The following AATK variants were observed in gnomAD, a reference collection of about 807,000 sequenced individuals.
The protein encoded by AATK is lemur tail kinase 1.
AATK carries 91 observed loss-of-function variants against 114.3 expected under a neutral mutation model. The ratio of observed to expected loss-of-function variants is 0.80; its 90% CI spans 0.67 to 0.95. The LOEUF (loss-of-function observed/expected upper bound fraction) is 0.95. Among genes scored for constraint, AATK ranks in the 40% least tolerant of loss-of-function variants. AATK has a pLI of 0.00. For missense variants in AATK, 2,176 were observed against 1,965.2 expected, an observed-to-expected ratio of 1.11 and a Z score of -2.03; for synonymous variants, 1,075 against 916.5, an observed-to-expected ratio of 1.17 and a Z score of -3.12.
At chr17:81,119,663 C>T (rs890706979) in intron 12 of AATK, 83 bp from the exon 13 acceptor site, 1 of 622,458 alleles carries the variant, frequency 1.6e-6, no homozygotes, top group East Asian at 7.1e-5. Context: ...GGGCCCAGGC[C>T]CCGCCTCCCA....
intron 1 of AATK, among the ~76,000 whole-genome samples, chr17:81,137,489 C>T (rs1175488935): frequency 1.3e-5 from 2 of 152,030 alleles, no homozygotes; most frequent in African/African-American, 4.8e-5. Context: ...CCGAGTGCAC[C>T]CACCGCCGCC....
Position 81,126,813 on chromosome 17 carries a change from T to C in AATK, c.622-253A>G. ...GCCAGCCCCGGGCAGCAGGAGTCCC[T>C]TGGCCTGTGGTAGAGAGAGAAACAC... On this transcript the variant is annotated intron_variant, in intron 6 of 13. Coordinates refer to ENST00000326724, the MANE Select transcript of AATK (RefSeq NM_001080395.3). The surrounding 1 kb of genome is among the most constrained non-coding windows in gnomAD (Gnocchi z 5.1). 7.4e-7 allele frequency: 1 copy of C among 1,346,636 alleles called. No individual in the cohort carries two copies. The highest frequency in any genetic ancestry group is 9.5e-7 in the Non-Finnish European group (1 of 1,047,866). The allele number at this position is 1,346,636 out of a possible 1,614,324, so 83.4% of individuals were successfully genotyped here. A position where few individuals can be genotyped will look rare whatever the true frequency, so the allele number is the denominator to read the frequency against.
intron 1 of AATK, among the ~76,000 whole-genome samples, chr17:81,149,414 TC>T (rs952301656): frequency 4.6e-5 from 7 of 151,244 alleles, no homozygotes; most frequent in Admixed American, 3.9e-4. Flanking sequence ...CCTAACCCCT[TC>T]CCCCACCCTC....
intron 6 of AATK, 131 bp downstream of exon 6, chr17:81,127,452 G>T: frequency 8.0e-6 from 7 of 879,744 alleles, no homozygotes; most frequent in Non-Finnish European, 1.3e-5. Flanking sequence ...GGTGGTGGGG[G>T]CAGGGTCCCT....
chr17:81,161,735 C>T (rs1188350084), intron 1 of AATK, among the ~76,000 whole-genome samples: 2 of 152,174 alleles, frequency 1.3e-5, no homozygotes, highest in East Asian at 1.9e-4. Context: ...CAGCAGGGCC[C>T]GGCCCAGGAC....
intron 1 of AATK, among the ~76,000 whole-genome samples, chr17:81,142,416 C>T (rs2061152538): frequency 6.6e-6 from 1 of 152,030 alleles, no homozygotes; most frequent in South Asian, 2.1e-4. Context: ...GAGACCACAG[C>T]CTTGCACCAC....
chr17:81,145,866 T>TA (rs2061211364), intron 1 of AATK, among the ~76,000 whole-genome samples: 1 of 149,628 alleles, frequency 6.7e-6, no homozygotes, highest in African/African-American at 2.5e-5. Flanking sequence ...ACACAATCAG[T>TA]AAAAAATAAC....
intron 1 of AATK, among the ~76,000 whole-genome samples, chr17:81,145,479 T>C (rs1191523652): frequency 1.3e-5 from 2 of 152,094 alleles, no homozygotes; most frequent in Non-Finnish European, 2.9e-5. Flanking sequence ...ACGCCTGTAA[T>C]CCCAGCACTT....
At chr17:81,128,899 C>T in intron 3 of AATK, 2 of 1,150,380 alleles carry the variant, frequency 1.7e-6, no homozygotes, top group Non-Finnish European at 2.2e-6. Context: ...GAGCAAGAGG[C>T]TGGGGCCACG....
rs1272622994 is a variant in AATK, at chr17:81,120,781, G to C, written c.3155C>G (p.Pro1052Arg). Residue 1052 changes from proline to arginine, a missense_variant, in exon 11 of 14, where the codon CCC becomes CGC. Transcript: ENST00000326724. ...CAGCAGTGGGGGCAGCACCTCCCCG[G>C]GGCCAGAGCCTTGTGCCTCCCCGGA... ...GVSGEAQGSG[P>R]GEVLPPLLQL... 1 of 1,567,966 alleles carries C rather than the reference G, an allele frequency of 6.4e-7. No individual in the cohort carries two copies. Among genetic ancestry groups the C allele is most frequent in the Admixed American group, 1.9e-5 (1 of 53,402 alleles).
chr17:81,160,819 G>A (rs1229352522), intron 1 of AATK, among the ~76,000 whole-genome samples: 3 of 152,242 alleles, frequency 2.0e-5, no homozygotes, highest in South Asian at 2.1e-4. Flanking sequence ...GTGAGCTGGA[G>A]ACAGGAGGCC....
chr17:81,136,821 C>T (rs564236953), intron 1 of AATK, among the ~76,000 whole-genome samples: 4 of 152,274 alleles, frequency 2.6e-5, no homozygotes, highest in African/African-American at 4.8e-5. Context: ...CAAGGAGAGA[C>T]GGCACACCTA....
intron 1 of AATK, among the ~76,000 whole-genome samples, chr17:81,163,426 T>C (rs885263): frequency 0.64 from 96,801 of 152,098 alleles, 32,079 homozygotes; most frequent in Admixed American, 0.73. Context: ...ATCACCCTGC[T>C]TTTCCTGGCC....
Position 81,166,091 on chromosome 17 carries a change from G to C in AATK, c.-99C>G. The C allele has an allele frequency of 1.3e-6, 1 of 776,874 alleles. No individual in the cohort carries two copies. Among genetic ancestry groups the C allele is most frequent in the Non-Finnish European group, 1.6e-6 (1 of 627,928 alleles). The allele number at this position is 776,874 out of a possible 1,614,324, so 48.1% of individuals were successfully genotyped here. On this transcript the variant is annotated 5_prime_UTR_variant, in exon 1 of 14. Coordinates refer to ENST00000326724, the MANE Select transcript of AATK (RefSeq NM_001080395.3). ...CCGCATCACCCAGCGGCCGCCGCAGGTGCGGAGCGCGCCGGCCCCCGCGCC... is the reference window on the plus strand; with the variant it reads ...CCGCATCACCCAGCGGCCGCCGCAGCTGCGGAGCGCGCCGGCCCCCGCGCC...
chr17:81,134,270 T>G, intron 2 of AATK, 98 bp downstream of exon 2: 1 of 1,510,228 alleles, frequency 6.6e-7, no homozygotes, highest in Non-Finnish European at 8.9e-7. Context: ...AGCAGCCACC[T>G]TGATGGCCCC....
chr17:81,122,418 G>A lies in AATK; in HGVS notation c.1518C>T (p.Cys506=), dbSNP rs191163566. ...PGRTARLQEL[C]APDGAPPGVV... ...CGCCCGGGGGCGCGCCGTCGGGGGCGCACAGCTCCTGCAGGCGTGCGGTGC... is the reference window on the plus strand; with the variant it reads ...CGCCCGGGGGCGCGCCGTCGGGGGCACACAGCTCCTGCAGGCGTGCGGTGC... Residue 506 remains cysteine (C), a synonymous_variant, in exon 11 of 14, where the codon TGC becomes TGT. Coordinates refer to ENST00000326724, the MANE Select transcript of AATK (RefSeq NM_001080395.3). The A allele has an allele frequency of 2.7e-6, 4 of 1,461,000 alleles. No homozygotes were observed. The highest frequency in any genetic ancestry group is 3.6e-6 in the Non-Finnish European group (4 of 1,109,560). 90.5% of individuals were successfully genotyped at this position (1,461,000 alleles called of 1,614,324 possible). A position where few individuals can be genotyped will look rare whatever the true frequency, so the allele number is the denominator to read the frequency against.
rs1048120589 is a variant in AATK, at chr17:81,122,514, G to T, written c.1422C>A (p.Gly474=). 1 of 1,478,768 alleles carries T rather than the reference G, an allele frequency of 6.8e-7. No individual in the cohort carries two copies. The highest frequency in any genetic ancestry group is 9.0e-7 in the Non-Finnish European group (1 of 1,110,612). 91.6% of individuals were successfully genotyped at this position (1,478,768 alleles called of 1,614,324 possible). A position where few individuals can be genotyped will look rare whatever the true frequency, so the allele number is the denominator to read the frequency against. Residue 474 remains glycine (G), a synonymous_variant, in exon 11 of 14, where the codon GGC becomes GGA. Coordinates refer to ENST00000326724, the MANE Select transcript of AATK (RefSeq NM_001080395.3). The part of the protein sequence containing the change: ...DVLTVTETSR[G]LNFEYKWEAG... Reference sequence around the variant, plus strand: ...CCTCCCACTTGTACTCAAAATTGAGGCCTCGGCTGGTCTCGGTCACCGTCA... The same window carrying T: ...CCTCCCACTTGTACTCAAAATTGAGTCCTCGGCTGGTCTCGGTCACCGTCA...
At position 81,121,056 on chromosome 17, in the gene AATK, G is replaced by A. The variant is rs1252802022; in HGVS notation, c.2880C>T (p.Pro960=). The A allele has an allele frequency of 1.2e-6, 2 of 1,608,888 alleles. No individual in the cohort carries two copies. Among genetic ancestry groups the A allele is most frequent in the South Asian group, 1.1e-5 (1 of 90,216 alleles). The change falls in exon 11 of 14, where the codon CCC becomes CCT. Residue 960 remains proline (P), a synonymous_variant. Transcript: ENST00000326724. The part of the protein sequence containing the change: ...VLKEAQEGCE[P]QAFAELASEG... ...CTGAGGCCAGCTCCGCAAAGGCCTG[G>A]GGCTCACACCCTTCCTGCGCCTCCT... is the stretch of plus-strand genomic sequence containing the variant.
intron 1 of AATK, among the ~76,000 whole-genome samples, chr17:81,164,908 A>G (rs2061468080): frequency 6.6e-6 from 1 of 152,100 alleles, no homozygotes; most frequent in Non-Finnish European, 1.5e-5. Flanking sequence ...CCCTTCCTCC[A>G]GGGAGCAAAT....
Sources: allele counts gnomAD v4.1 joint callset (sites outside exome capture counted in the v4.1 genomes callset), GRCh38; gene constraint gnomAD v4.1.1; non-coding constraint Gnocchi (gnomAD v3.1); transcripts MANE v1.5; gene names NCBI Gene and HGNC (gene_info 2026-07-23, HGNC 2026-07-21).